Variants in SCN7A observed in about 807,000 individuals in gnomAD.
SCN7A encodes the protein sodium voltage-gated channel alpha subunit 7, also known as sodium channel protein type 7 subunit alpha.
A neutral mutation model predicts 155.2 loss-of-function variants in SCN7A; 138 were observed. The ratio of observed to expected loss-of-function variants is 0.89; its 90% CI spans 0.77 to 1.02. The LOEUF (loss-of-function observed/expected upper bound fraction) is 1.02. Ranked by LOEUF, SCN7A falls within the 50% of genes least tolerant of loss-of-function variation. The pLI is 0.00. For missense variants in SCN7A, 2,058 were observed against 1,986.6 expected, an observed-to-expected ratio of 1.04 and a Z score of -0.68; for synonymous variants, 693 against 649.0, an observed-to-expected ratio of 1.07 and a Z score of -1.03.
intron 13 of SCN7A, 61 bp downstream of exon 13, chr2:166,444,701 A>T: frequency 2.1e-6 from 2 of 935,826 alleles, no homozygotes; most frequent in Admixed American, 5.1e-5. Context: ...TGATGAACAA[A>T]GAAAAGTTCA....
chr2:166,462,410 G>C lies in SCN7A; in HGVS notation c.1062C>G (p.Tyr354Ter). The C allele has an allele frequency of 6.3e-7, 1 of 1,596,560 alleles. No homozygotes were observed. Among genetic ancestry groups the C allele is most frequent in the Non-Finnish European group, 8.5e-7 (1 of 1,170,744 alleles). Residue 354 changes from tyrosine (Y) to a stop codon, truncating the protein, a stop_gained, in exon 10 of 26, where the codon TAC becomes TAG. Transcript: ENST00000643258. LOFTEE classifies it high-confidence loss of function. ...TTACCTGGTGATAAAGTACTTCAGGGTAATCCTGAGCCATTAACCGAAATA... is the reference window on the plus strand; with the variant it reads ...TTACCTGGTGATAAAGTACTTCAGGCTAATCCTGAGCCATTAACCGAAATA... ...FALFRLMAQD[Y>*]PEVLYHQILY...
At chr2:166,417,268 T>A (rs922484296) in intron 20 of SCN7A, among the ~76,000 whole-genome samples, 4 of 152,008 alleles carry the variant, frequency 2.6e-5, no homozygotes, top group African/African-American at 9.7e-5. Flanking sequence ...GGTCAGGAGA[T>A]CAAGACCATC....
At chr2:166,467,685 C>T (rs1439716386) in intron 7 of SCN7A, among the ~76,000 whole-genome samples, 2 of 151,378 alleles carry the variant, frequency 1.3e-5, no homozygotes, top group Non-Finnish European at 3.0e-5. Context: ...TTAGAAAGTT[C>T]CGGGTCTTAC....
At chr2:166,475,096 A>AT (rs1559125117) in intron 3 of SCN7A, among the ~76,000 whole-genome samples, 1 of 117,038 alleles carries the variant, frequency 8.5e-6, no homozygotes, top group Non-Finnish European at 1.7e-5. Context: ...ATATATACAC[A>AT]TATATATGTA....
chr2:166,427,962 A>G lies in SCN7A; in HGVS notation c.2699-20T>C, dbSNP rs764187326. On this transcript the variant is annotated intron_variant, in intron 17 of 25. Transcript: ENST00000643258. ...TGCAACCTGTCAAGATTGAATTGGT[A>G]AGAACAACAATCTAGAAAACTCATG... is the stretch of plus-strand genomic sequence containing the variant. The G allele has an allele frequency of 1.2e-6, 2 of 1,609,420 alleles. No individual in the cohort carries two copies. Among genetic ancestry groups the G allele is most frequent in the Admixed American group, 3.4e-5 (2 of 59,546 alleles).
chr2:166,429,108 T>C (rs551961703), intron 17 of SCN7A, 61 bp downstream of exon 17: 3 of 907,708 alleles, frequency 3.3e-6, no homozygotes, highest in East Asian at 2.7e-5. Context: ...ATGGAACATA[T>C]ACATTTTGAC....
At chr2:166,458,432 A>C (rs1702332582) in intron 10 of SCN7A, among the ~76,000 whole-genome samples, 1 of 152,136 alleles carries the variant, frequency 6.6e-6, no homozygotes, top group South Asian at 2.1e-4. Context: ...ACCACGCATC[A>C]AAACTATACA....
chr2:166,436,227 G>A (rs1575024322), intron 15 of SCN7A: 1 of 203,896 alleles, frequency 4.9e-6, no homozygotes, highest in Non-Finnish European at 1.1e-5. Context: ...ATCCCCACAT[G>A]TTGTGGGAGG....
At chr2:166,411,467 A>ACAC (rs1701201203) in intron 23 of SCN7A, among the ~76,000 whole-genome samples, 1 of 151,910 alleles carries the variant, frequency 6.6e-6, no homozygotes, top group African/African-American at 2.4e-5. Flanking sequence ...GCCTTCGAAT[A>ACAC]CAAAAAGAAG....
chr2:166,432,820 G>T, intron 15 of SCN7A, 68 bp from the exon 16 acceptor site: 3 of 1,195,610 alleles, frequency 2.5e-6, no homozygotes, highest in Non-Finnish European at 3.4e-6. Context: ...TGAAAAGTTT[G>T]TTTACAAAAC....
chr2:166,424,564 C>T (rs180775949), intron 18 of SCN7A, among the ~76,000 whole-genome samples: 85 of 151,992 alleles, frequency 5.6e-4, no homozygotes, highest in Middle Eastern at 3.4e-3. Context: ...AGGCAAGATA[C>T]GTAACTTAGG....
At chr2:166,438,350 T>A (rs900257146) in intron 15 of SCN7A, among the ~76,000 whole-genome samples, 1 of 152,164 alleles carries the variant, frequency 6.6e-6, no homozygotes, top group East Asian at 1.9e-4. Context: ...CTTCACCCTA[T>A]GTAAATGTGA....
At chr2:166,455,396 A>C (rs1702252028) in intron 11 of SCN7A, among the ~76,000 whole-genome samples, 1 of 152,164 alleles carries the variant, frequency 6.6e-6, no homozygotes, top group South Asian at 2.1e-4. Context: ...ATTTGCAGCA[A>C]CATGGATGCA....
At chr2:166,412,045 C>A (rs138401673) in intron 23 of SCN7A, among the ~76,000 whole-genome samples, 2,172 of 152,056 alleles carry the variant, frequency 0.014, 27 homozygotes, top group Middle Eastern at 0.021. Context: ...TGAACTCTGT[C>A]TTACTGGGTT....
At chr2:166,423,551 T>A in intron 18 of SCN7A, 119 bp from the exon 19 acceptor site, 1 of 1,136,512 alleles carries the variant, frequency 8.8e-7, no homozygotes, top group Non-Finnish European at 1.2e-6. Context: ...CTGTCAGAGA[T>A]TGTAGGCTCC....
At chr2:166,442,982 A>G (rs903935349) in intron 14 of SCN7A, among the ~76,000 whole-genome samples, 9 of 152,192 alleles carry the variant, frequency 5.9e-5, no homozygotes, top group Admixed American at 3.3e-4. Context: ...ACCATGTATA[A>G]CTTATCTAAA....
intron 2 of SCN7A, among the ~76,000 whole-genome samples, chr2:166,483,263 T>C (rs1702970893): frequency 6.6e-6 from 1 of 152,094 alleles, no homozygotes; most frequent in Non-Finnish European, 1.5e-5. Context: ...TTTATTTTAA[T>C]CCTTATGGCA....
At chr2:166,485,535 AT>A (rs1703027581) in intron 2 of SCN7A, among the ~76,000 whole-genome samples, 1 of 152,154 alleles carries the variant, frequency 6.6e-6, no homozygotes, top group African/African-American at 2.4e-5. Flanking sequence ...AAGGACACGA[AT>A]CACTGGGAAT....
intron 11 of SCN7A, among the ~76,000 whole-genome samples, chr2:166,449,627 T>C (rs953692953): frequency 6.6e-5 from 10 of 152,004 alleles, no homozygotes; most frequent in African/African-American, 2.2e-4. Flanking sequence ...TTTTTTCCAG[T>C]GGGTAAAGTA....
Sources: allele counts gnomAD v4.1 joint callset (sites outside exome capture counted in the v4.1 genomes callset), GRCh38; gene constraint gnomAD v4.1.1; transcripts MANE v1.5; gene names NCBI Gene and HGNC (gene_info 2026-07-23, HGNC 2026-07-21).